The following RBFOX1 variants were observed in gnomAD, a reference collection of about 807,000 sequenced individuals.
RBFOX1 encodes the protein RNA binding protein fox-1 homolog 1.
RBFOX1 carries 8 observed loss-of-function variants against 57.7 expected under a neutral mutation model. The observed-to-expected ratio is 0.14, with a 90% CI of 0.08 to 0.25. RBFOX1 has a LOEUF of 0.25. Among genes scored for constraint, RBFOX1 ranks in the 10% least tolerant of loss-of-function variants. RBFOX1 has a pLI of 1.00. For synonymous variants in RBFOX1, 326 were observed against 222.4 expected, an observed-to-expected ratio of 1.47 and a Z score of -4.15; for missense variants, 611 against 548.5, an observed-to-expected ratio of 1.11 and a Z score of -1.14.
rs368481596 is a variant in RBFOX1, at chr16:5,503,104, G to T, written c.258+35850G>T. ...CAGGGCACAGGAGAGAAGGGTGCAG[G>T]CTCTGGAACCACACCCCCAGGGTGG... On this transcript the variant is annotated intron_variant, in intron 2 of 2. Coordinates refer to the RBFOX1 transcript ENST00000585867. 1.7e-4 allele frequency among the ~76,000 whole-genome samples: 26 copies of T among 152,326 alleles called. No individual in the cohort carries two copies. The East Asian group carries it at 3.3e-3, about 19-fold the overall frequency.
chr16:6,587,180 C>A (rs6500798), intron 2 of RBFOX1, among the ~76,000 whole-genome samples: 53,112 of 151,902 alleles, frequency 0.35, 10,914 homozygotes, highest in Middle Eastern at 0.49. Flanking sequence ...GTCTCCCCAG[C>A]TCCCCTCTCT....
At chr16:7,400,427 C>T (rs1015855486) in intron 4 of RBFOX1, among the ~76,000 whole-genome samples, 9 of 152,164 alleles carry the variant, frequency 5.9e-5, no homozygotes, top group African/African-American at 1.2e-4. Flanking sequence ...CAGAAATCCT[C>T]AAAAGTGAAA....
At chr16:5,782,731 C>T (rs1597232321) in intron 3 of RBFOX1, among the ~76,000 whole-genome samples, 1 of 152,156 alleles carries the variant, frequency 6.6e-6, no homozygotes, top group South Asian at 2.1e-4. Flanking sequence ...CTGAGAAGTC[C>T]TACAACCTAA....
chr16:6,836,658 C>G (rs181003561), intron 3 of RBFOX1, among the ~76,000 whole-genome samples: 4 of 152,294 alleles, frequency 2.6e-5, no homozygotes, highest in Non-Finnish European at 4.4e-5. Flanking sequence ...TCGGGGGTGA[C>G]AGTTCCTTTC....
At chr16:7,343,705 T>C (rs2096940337) in intron 4 of RBFOX1, among the ~76,000 whole-genome samples, 1 of 151,738 alleles carries the variant, frequency 6.6e-6, no homozygotes, top group Non-Finnish European at 1.5e-5. Flanking sequence ...AAACAGGAGG[T>C]GGTATGGAGT....
At chr16:6,529,720 C>G (rs932559564) in intron 2 of RBFOX1, among the ~76,000 whole-genome samples, 1 of 152,088 alleles carries the variant, frequency 6.6e-6, no homozygotes. Flanking sequence ...TGCATAGACT[C>G]CACAACACGT....
At chr16:6,392,665 G>C (rs1185875735) in intron 2 of RBFOX1, among the ~76,000 whole-genome samples, 1 of 152,228 alleles carries the variant, frequency 6.6e-6, no homozygotes, top group African/African-American at 2.4e-5. Flanking sequence ...ATGGGATGCA[G>C]ACAGTGCCTC....
intron 10 of RBFOX1, among the ~76,000 whole-genome samples, chr16:7,627,490 C>T (rs1436291049): frequency 6.6e-6 from 1 of 152,138 alleles, no homozygotes; most frequent in Non-Finnish European, 1.5e-5. Flanking sequence ...TCATGTGATA[C>T]AAATGAAGGT....
intron 3 of RBFOX1, among the ~76,000 whole-genome samples, chr16:7,025,016 C>T (rs1293437588): frequency 6.6e-6 from 1 of 152,032 alleles, no homozygotes; most frequent in Non-Finnish European, 1.5e-5. Flanking sequence ...GGCTGGATCC[C>T]GACCCCAAGA....
At chr16:7,029,612 T>C (rs965908123) in intron 3 of RBFOX1, among the ~76,000 whole-genome samples, 1 of 152,014 alleles carries the variant, frequency 6.6e-6, no homozygotes, top group Admixed American at 6.6e-5. Context: ...TCATTGACAA[T>C]TTGTGGCAAA....
intron 3 of RBFOX1, among the ~76,000 whole-genome samples, chr16:5,830,882 C>T (rs1384875932): frequency 6.6e-6 from 1 of 152,150 alleles, no homozygotes; most frequent in Admixed American, 6.6e-5. Flanking sequence ...GAATGATTGG[C>T]TTTTGCTGGA....
At chr16:7,583,878 G>A (rs192833121) in intron 6 of RBFOX1, among the ~76,000 whole-genome samples, 31 of 152,090 alleles carry the variant, frequency 2.0e-4, no homozygotes, top group Admixed American at 1.9e-3. Flanking sequence ...GCAGGAAAAT[G>A]GTCCACTAAA....
At chr16:5,958,834 C>T (rs1166040273) in intron 4 of RBFOX1, among the ~76,000 whole-genome samples, 1 of 152,174 alleles carries the variant, frequency 6.6e-6, no homozygotes, top group Non-Finnish European at 1.5e-5. Flanking sequence ...ATTGTCTCTG[C>T]ATATTACTAA....
intron 4 of RBFOX1, among the ~76,000 whole-genome samples, chr16:7,057,344 G>C (rs1383924525): frequency 6.6e-6 from 1 of 152,180 alleles, no homozygotes; most frequent in African/African-American, 2.4e-5. Context: ...AGGAATCAGA[G>C]CTTAGAATGG....
chr16:5,424,112 G>T (rs1431903425), intron 1 of RBFOX1, among the ~76,000 whole-genome samples: 1 of 152,156 alleles, frequency 6.6e-6, no homozygotes, highest in Non-Finnish European at 1.5e-5. Flanking sequence ...CCTCTCAGTA[G>T]CTATTCAATC....
chr16:6,757,445 C>G (rs1375826416), intron 3 of RBFOX1, among the ~76,000 whole-genome samples: 1 of 152,158 alleles, frequency 6.6e-6, no homozygotes, highest in African/African-American at 2.4e-5. Context: ...ATATGCACAA[C>G]AGAATACTAT....
rs973290491 is a variant in RBFOX1, at chr16:5,946,447, A to T, written c.351+79112A>T. On this transcript the variant is annotated intron_variant, in intron 4 of 19. Transcript: ENST00000641259. This position sits in a 1 kb window ranked among gnomAD's most constrained non-coding sequence, Gnocchi z 4.6. ...TCTATCTTGCGACAGAGCCATGAAC[A>T]GCTCAGCCAAGATCTCTGCTCTCAT... Among the ~76,000 whole-genome samples, 1 of 152,202 alleles carries T rather than the reference A, an allele frequency of 6.6e-6. No homozygotes were observed. Among genetic ancestry groups the T allele is most frequent in the East Asian group, 1.9e-4 (1 of 5,196 alleles).
rs545227112 is a variant in RBFOX1 at position 7,266,002 on chromosome 16, T to G, written c.27+213904T>G. 3.3e-3 allele frequency among the ~76,000 whole-genome samples: 423 copies of G among 130,102 alleles called. 1 individual carries two copies. Among genetic ancestry groups the G allele is most frequent in the African/African-American group, 0.012 (397 of 33,094 alleles). 85.4% of individuals were successfully genotyped at this position (130,102 alleles called of 152,430 possible). A position where few individuals can be genotyped will look rare whatever the true frequency, so the allele number is the denominator to read the frequency against. On this transcript the variant is annotated intron_variant, in intron 4 of 15. Coordinates refer to ENST00000550418, the MANE Select transcript of RBFOX1 (RefSeq NM_018723.4). ...TTTTTTTTTTTTTTCTGAGAGGGAG[T>G]CTTGCTGTGTTGCCCAGGCTGGAGT...
chr16:6,432,893 G>C (rs1223603894), intron 2 of RBFOX1, among the ~76,000 whole-genome samples: 1 of 152,160 alleles, frequency 6.6e-6, no homozygotes, highest in African/African-American at 2.4e-5. Flanking sequence ...CAGGAGAATT[G>C]CTTGAATCTG....
Sources: allele counts gnomAD v4.1 joint callset (sites outside exome capture counted in the v4.1 genomes callset), GRCh38; gene constraint gnomAD v4.1.1; non-coding constraint Gnocchi (gnomAD v3.1); transcripts MANE v1.5; gene names NCBI Gene and HGNC (gene_info 2026-07-23, HGNC 2026-07-21).